Variants in GUCY2F observed in about 807,000 individuals in gnomAD.
GUCY2F encodes retinal guanylyl cyclase 2.
GUCY2F carries 61 observed loss-of-function variants against 73.1 expected under a neutral mutation model. That is an observed-to-expected ratio of 0.83 (90% confidence interval 0.68 to 1.03). The LOEUF (loss-of-function observed/expected upper bound fraction) is 1.03. GUCY2F is among the 50% of genes least tolerant of loss of function. GUCY2F has a pLI of 0.00. For missense variants in GUCY2F, 912 were observed against 854.3 expected, an observed-to-expected ratio of 1.07 and a Z score of -0.84; for synonymous variants, 331 against 307.8, an observed-to-expected ratio of 1.08 and a Z score of -0.79.
At chrX:109,438,991 A>G (rs1021557757) in intron 7 of GUCY2F, among the ~76,000 whole-genome samples, 1 of 112,723 alleles carries the variant, frequency 8.9e-6, no homozygotes, top group African/African-American at 3.2e-5. Flanking sequence ...CTGAAGCTGT[A>G]CAAGACATCC....
In GUCY2F at chrX:109,465,157, C is replaced by T; in HGVS notation, c.1017G>A (p.Lys339=). The T allele has an allele frequency of 8.3e-7, 1 of 1,208,231 alleles. No individual in the cohort carries two copies. Among genetic ancestry groups the T allele is most frequent in the Non-Finnish European group, 1.1e-6 (1 of 892,485 alleles). Residue 339 remains lysine (K), a synonymous_variant, in exon 3 of 20, where the codon AAG becomes AAA. Coordinates refer to ENST00000218006, the MANE Select transcript of GUCY2F (RefSeq NM_001522.3). ...GTGTACTTACTTGATCGAACTCCAGCTTCTCAGGAATTTCACCTCTTGCTG... is the reference window on the plus strand; with the variant it reads ...GTGTACTTACTTGATCGAACTCCAGTTTCTCAGGAATTTCACCTCTTGCTG... ...EAAARGEIPE[K]LEFDQVSPLF... is the part of the protein sequence containing the mutation.
At chrX:109,422,722 T>C (rs951829317) in intron 8 of GUCY2F, among the ~76,000 whole-genome samples, 10 of 111,768 alleles carry the variant, frequency 8.9e-5, no homozygotes, top group Non-Finnish European at 1.7e-4. Context: ...GTTAAGTGTA[T>C]ACTATTCTTT....
intron 3 of GUCY2F, 54 bp downstream of exon 3, chrX:109,465,088 C>A: frequency 4.4e-6 from 4 of 917,988 alleles, no homozygotes; most frequent in Non-Finnish European, 6.1e-6. Context: ...AAATAATTTA[C>A]CATGCTGATG....
chrX:109,395,769 T>C (rs1237693712), intron 11 of GUCY2F, among the ~76,000 whole-genome samples: 1 of 111,968 alleles, frequency 8.9e-6, no homozygotes, highest in Non-Finnish European at 1.9e-5. Context: ...GCCTATCTGA[T>C]GGCAATTCTA....
chrX:109,469,522 T>C (rs1932532697), intron 2 of GUCY2F, among the ~76,000 whole-genome samples: 1 of 110,167 alleles, frequency 9.1e-6, no homozygotes. Context: ...GAGCCATCGA[T>C]ATTGCTCACA....
intron 1 of GUCY2F, among the ~76,000 whole-genome samples, chrX:109,477,126 A>G (rs1299959636): frequency 9.0e-6 from 1 of 111,716 alleles, no homozygotes; most frequent in Non-Finnish European, 1.9e-5. Context: ...TCCATATGAG[A>G]AATGATGACA....
intron 19 of GUCY2F, 116 bp from the exon 20 acceptor site, chrX:109,373,115 G>A (rs182542351): frequency 1.8e-5 from 2 of 112,867 alleles, no homozygotes; most frequent in African/African-American, 3.2e-5. Context: ...TAAACAGCTT[G>A]CAAATTGCTC....
intron 15 of GUCY2F, among the ~76,000 whole-genome samples, chrX:109,387,765 A>C (rs1930469257): frequency 8.9e-6 from 1 of 112,192 alleles, no homozygotes; most frequent in South Asian, 3.7e-4. Context: ...AGAGCTTTGC[A>C]GAAAATGTTA....
At chrX:109,407,627 C>T (rs1446411711) in intron 9 of GUCY2F, among the ~76,000 whole-genome samples, 3 of 112,933 alleles carry the variant, frequency 2.7e-5, no homozygotes, top group Non-Finnish European at 3.8e-5. Context: ...AACGTGGTTT[C>T]ATGGGCTGGG....
At chrX:109,423,208 A>G (rs1184315469) in intron 8 of GUCY2F, among the ~76,000 whole-genome samples, 1 of 112,242 alleles carries the variant, frequency 8.9e-6, no homozygotes, top group Non-Finnish European at 1.9e-5. Context: ...CAGATAATAC[A>G]TGGTTTCTGT....
intron 1 of GUCY2F, among the ~76,000 whole-genome samples, chrX:109,479,292 T>G (rs1368874310): frequency 8.9e-6 from 1 of 112,295 alleles, no homozygotes; most frequent in Non-Finnish European, 1.9e-5. Context: ...ATTTAATCAT[T>G]TTGAGATAAA....
At chrX:109,401,004 ACT>A (rs994106177) in intron 10 of GUCY2F, among the ~76,000 whole-genome samples, 1 of 111,510 alleles carries the variant, frequency 9.0e-6, no homozygotes, top group Non-Finnish European at 1.9e-5. Context: ...AGAGGGCAAA[ACT>A]CTCTGGTAAA....
At chrX:109,388,369 G>T in intron 15 of GUCY2F, 120 bp downstream of exon 15, 1 of 573,395 alleles carries the variant, frequency 1.7e-6, no homozygotes, top group Non-Finnish European at 2.9e-6. Flanking sequence ...GAATTATGCA[G>T]CCCGGACACC....
At chrX:109,430,179 C>G in intron 8 of GUCY2F, 128 bp downstream of exon 8, 1 of 503,227 alleles carries the variant, frequency 2.0e-6, no homozygotes, top group Non-Finnish European at 3.4e-6. Flanking sequence ...TCATACCAAC[C>G]CATTAGCAAC....
Position 109,441,494 on chromosome X carries a change from T to A in GUCY2F, c.1570-12A>T. The A allele has an allele frequency of 8.8e-7, 1 of 1,139,054 alleles. No homozygotes were observed. The allele number at this position is 1,139,054 out of a possible 1,213,427, so 93.9% of individuals were successfully genotyped here. ...GCACGACTTCCTCTCTGTGAAAGGA[T>A]TAGGAAAGAAAAGTTATGACCAAAA... On this transcript the variant is annotated splice_polypyrimidine_tract_variant and intron_variant, in intron 6 of 19. Transcript: ENST00000218006.
intron 11 of GUCY2F, among the ~76,000 whole-genome samples, chrX:109,396,581 C>A (rs1256316496): frequency 9.0e-6 from 1 of 111,731 alleles, no homozygotes; most frequent in East Asian, 2.8e-4. Context: ...CCCCTCCCCA[C>A]CACCTCCAAT....
intron 15 of GUCY2F, among the ~76,000 whole-genome samples, chrX:109,387,830 G>A (rs1930470696): frequency 8.9e-6 from 1 of 111,833 alleles, no homozygotes; most frequent in African/African-American, 3.3e-5. Flanking sequence ...AGCATTCACA[G>A]AGTGAGGAGC....
rs766941355 is a variant in GUCY2F at position 109,392,975 on chromosome X, C to T, written c.2505G>A (p.Leu835=). The T allele has an allele frequency of 8.7e-7, 1 of 1,143,855 alleles. No individual in the cohort carries two copies. The highest frequency in any genetic ancestry group is 1.2e-6 in the Non-Finnish European group (1 of 833,856). 94.3% of individuals were successfully genotyped at this position (1,143,855 alleles called of 1,213,427 possible). A position where few individuals can be genotyped will look rare whatever the true frequency, so the allele number is the denominator to read the frequency against. The change falls in exon 13 of 20, where the codon TTG becomes TTA. Residue 835 remains leucine (L), a synonymous_variant. Coordinates refer to ENST00000218006, the MANE Select transcript of GUCY2F (RefSeq NM_001522.3). ...CAGTCCGCTCCCGAATCAAATCTTC[C>T]AAGTTGCTAGAATATTGCTCCAACA... ...LRMLEQYSSN[L]EDLIRERTEE...
At chrX:109,401,958 A>G (rs999652655) in intron 10 of GUCY2F, among the ~76,000 whole-genome samples, 1 of 111,525 alleles carries the variant, frequency 9.0e-6, no homozygotes, top group Non-Finnish European at 1.9e-5. Flanking sequence ...AGCATAAAGC[A>G]GGGGGGTAGT....
Sources: allele counts gnomAD v4.1 joint callset (sites outside exome capture counted in the v4.1 genomes callset), GRCh38; gene constraint gnomAD v4.1.1; transcripts MANE v1.5; gene names NCBI Gene and HGNC (gene_info 2026-07-23, HGNC 2026-07-21).